The following GLYATL3 variants were observed in gnomAD, a reference collection of about 807,000 sequenced individuals.
GLYATL3 encodes glycine-N-acyltransferase like 3.
GLYATL3 carries 31 observed loss-of-function variants against 28.5 expected under a neutral mutation model. That is an observed-to-expected ratio of 1.09 (90% CI 0.82 to 1.47). The LOEUF (loss-of-function observed/expected upper bound fraction) is 1.47, where lower values mean the gene tolerates loss of function less well. Among genes scored for constraint, GLYATL3 ranks in the 40% most tolerant of loss-of-function variants. The pLI, the probability that GLYATL3 is intolerant of heterozygous loss-of-function variation, is 0.00. For missense variants in GLYATL3, 369 were observed against 351.5 expected, an observed-to-expected ratio of 1.05 and a Z score of -0.40; for synonymous variants, 141 against 140.2, an observed-to-expected ratio of 1.01 and a Z score of -0.04.
intron 1 of GLYATL3, among the ~76,000 whole-genome samples, chr6:49,510,906 T>C (rs763743273): frequency 5.3e-5 from 8 of 152,230 alleles, no homozygotes; most frequent in South Asian, 2.1e-4. Flanking sequence ...AACCTCATGA[T>C]AGAATTTTAC....
rs527260107 is a variant in GLYATL3 at position 49,527,037 on chromosome 6, G to A, written c.*123G>A. 2.3e-5 allele frequency: 17 copies of A among 732,628 alleles called. No homozygotes were observed. The highest frequency in any genetic ancestry group is 1.2e-4 in the Admixed American group (4 of 34,008). 45.4% of individuals were successfully genotyped at this position (732,628 alleles called of 1,614,324 possible). ...CTTGAGTTGTTGGAAAGGGTCTGGAGAATATATACAGGATCCACTTGAGAA... is the reference window on the plus strand; with the variant it reads ...CTTGAGTTGTTGGAAAGGGTCTGGAAAATATATACAGGATCCACTTGAGAA... On this transcript the variant is annotated 3_prime_UTR_variant, in exon 6 of 6. Coordinates refer to ENST00000371197, the MANE Select transcript of GLYATL3 (RefSeq NM_001010904.2).
At chr6:49,509,472 A>C (rs957252373) in intron 1 of GLYATL3, among the ~76,000 whole-genome samples, 15 of 152,202 alleles carry the variant, frequency 9.9e-5, no homozygotes, top group African/African-American at 3.4e-4. Context: ...TGCACTTAGA[A>C]ACACCAGTAC....
chr6:49,519,758 G>A (rs1769281468), intron 4 of GLYATL3, among the ~76,000 whole-genome samples: 1 of 152,170 alleles, frequency 6.6e-6, no homozygotes, highest in Non-Finnish European at 1.5e-5. Context: ...TAATCTGAGA[G>A]CCATTAATGA....
At position 49,523,709 on chromosome 6, in the gene GLYATL3, C is replaced by T. The variant is rs1011104379; in HGVS notation, c.440+1938C>T. 3.9e-5 allele frequency among the ~76,000 whole-genome samples: 6 copies of T among 152,254 alleles called. 1 individual carries two copies. Among genetic ancestry groups the T allele is most frequent in the South Asian group, 4.1e-4 (2 of 4,822 alleles). On this transcript the variant is annotated intron_variant, in intron 5 of 5. Coordinates refer to ENST00000371197, the MANE Select transcript of GLYATL3 (RefSeq NM_001010904.2). Reference sequence around the variant, plus strand: ...AGTAAAATAACATTATTCATATTTCCGATATTGTCGTAATATTTTTAAGCT... The same window carrying T: ...AGTAAAATAACATTATTCATATTTCTGATATTGTCGTAATATTTTTAAGCT...
intron 1 of GLYATL3, among the ~76,000 whole-genome samples, chr6:49,508,664 T>C (rs1387326283): frequency 6.6e-6 from 1 of 152,228 alleles, no homozygotes; most frequent in Admixed American, 6.5e-5. Context: ...GAAACCTCCC[T>C]GAATGCATGT....
chr6:49,502,779 G>A (rs887238542), intron 1 of GLYATL3, among the ~76,000 whole-genome samples: 1 of 152,128 alleles, frequency 6.6e-6, no homozygotes, highest in African/African-American at 2.4e-5. Context: ...TGCAATTAAT[G>A]TAAAAATAAA....
chr6:49,512,027 C>G lies in GLYATL3; in HGVS notation c.37C>G (p.Leu13Val). The change falls in exon 2 of 6, where the codon CTG becomes GTG. Residue 13 changes from leucine to valine, a missense_variant. Physicochemically the swap from Leu to Val is conservative, Grantham distance 32. Transcript: ENST00000371197. ...VLNCSTKLLI[L>V]EKMLKSCFPE... ...AAACTGTTCTACCAAATTACTGATACTGGAGAAAATGTTGAAGAGTTGCTT... is the reference window on the plus strand; with the variant it reads ...AAACTGTTCTACCAAATTACTGATAGTGGAGAAAATGTTGAAGAGTTGCTT... 1 of 1,504,502 alleles carries G rather than the reference C, an allele frequency of 6.6e-7. No individual in the cohort carries two copies. The highest frequency in any genetic ancestry group is 2.5e-5 in the East Asian group (1 of 40,552). 93.2% of individuals were successfully genotyped at this position (1,504,502 alleles called of 1,614,324 possible).
chr6:49,505,891 A>G (rs1376508054), intron 1 of GLYATL3, among the ~76,000 whole-genome samples: 2 of 152,224 alleles, frequency 1.3e-5, no homozygotes, highest in Non-Finnish European at 1.5e-5. Context: ...TAAAAATTGT[A>G]AAGGCAAATT....
At chr6:49,514,416 T>C (rs1769176284) in intron 2 of GLYATL3, among the ~76,000 whole-genome samples, 1 of 152,232 alleles carries the variant, frequency 6.6e-6, no homozygotes, top group African/African-American at 2.4e-5. Flanking sequence ...TGAACATGAA[T>C]GGTGGTAAAA....
chr6:49,526,261 A>G (rs1769409504), intron 5 of GLYATL3, among the ~76,000 whole-genome samples: 1 of 152,130 alleles, frequency 6.6e-6, no homozygotes, highest in South Asian at 2.1e-4. Flanking sequence ...TAAAAATACA[A>G]AAATTAGCTG....
chr6:49,504,440 G>A (rs972550859), intron 1 of GLYATL3, among the ~76,000 whole-genome samples: 5 of 152,082 alleles, frequency 3.3e-5, no homozygotes, highest in Admixed American at 2.0e-4. Flanking sequence ...CCTTTTGACC[G>A]TATATTAGAT....
chr6:49,505,690 G>C (rs1768999496), intron 1 of GLYATL3, among the ~76,000 whole-genome samples: 1 of 152,164 alleles, frequency 6.6e-6, no homozygotes, highest in African/African-American at 2.4e-5. Context: ...TTTTGACAAA[G>C]GGACCACAAT....
intron 1 of GLYATL3, among the ~76,000 whole-genome samples, chr6:49,506,094 T>C (rs1239690557): frequency 6.6e-6 from 1 of 152,208 alleles, no homozygotes; most frequent in East Asian, 1.9e-4. Context: ...CTAGTAATTT[T>C]TGAAAATCAT....
At chr6:49,521,237 G>C (rs987837772) in intron 4 of GLYATL3, among the ~76,000 whole-genome samples, 2 of 152,118 alleles carry the variant, frequency 1.3e-5, no homozygotes, top group African/African-American at 2.4e-5. Flanking sequence ...TTTGAAGTTG[G>C]TTTGCCACGC....
chr6:49,503,311 A>T (rs180790914), intron 1 of GLYATL3, among the ~76,000 whole-genome samples: 1 of 152,280 alleles, frequency 6.6e-6, no homozygotes, highest in Admixed American at 6.5e-5. Context: ...GACAAGGTGG[A>T]TTTACTTATA....
At position 49,513,760 on chromosome 6, in the gene GLYATL3, T is replaced by C. The variant is rs370881101; in HGVS notation, c.78+1692T>C. ...TGAATGAGGTCCAGATTGGGTAATA[T>C]AGAAGAAAGTTGTACAATTCTAGGC... On this transcript the variant is annotated intron_variant, in intron 2 of 5. Transcript: ENST00000371197. Among the ~76,000 whole-genome samples the C allele has an allele frequency of 4.5e-3, 680 of 152,254 alleles. 3 individuals carry two copies. Among genetic ancestry groups the C allele is most frequent in the Non-Finnish European group, 4.2e-3 (287 of 68,020 alleles).
At chr6:49,518,896 G>T (rs6933253) in intron 4 of GLYATL3, among the ~76,000 whole-genome samples, 36,436 of 151,608 alleles carry the variant, frequency 0.24, 5,289 homozygotes, top group Middle Eastern at 0.35. Flanking sequence ...AGCCGAGATC[G>T]CGCCACTGCA....
chr6:49,504,744 A>G (rs1768980284), intron 1 of GLYATL3, among the ~76,000 whole-genome samples: 1 of 152,154 alleles, frequency 6.6e-6, no homozygotes, highest in Non-Finnish European at 1.5e-5. Flanking sequence ...AATTTTTAAT[A>G]GCTTTACTGC....
chr6:49,509,948 C>CTTCCTTCCTTTCTTTCTTTCTTTCTT (rs68151540), intron 1 of GLYATL3, among the ~76,000 whole-genome samples: 1 of 100,166 alleles, frequency 1.0e-5, no homozygotes, highest in African/African-American at 3.5e-5. Flanking sequence ...TATTTTCTTT[C>CTTCCTTCCTTTCTTTCTTTCTTTCTT]TCTTTCTTTC....
Sources: allele counts gnomAD v4.1 joint callset (sites outside exome capture counted in the v4.1 genomes callset), GRCh38; gene constraint gnomAD v4.1.1; transcripts MANE v1.5; gene names NCBI Gene and HGNC (gene_info 2026-07-23, HGNC 2026-07-21).